The following KCMF1 variants were observed in gnomAD, a reference collection of about 807,000 sequenced individuals.
KCMF1 encodes E3 ubiquitin-protein ligase KCMF1.
In KCMF1, 3 loss-of-function variants were observed where a neutral mutation model predicts 41.1. That is an observed-to-expected ratio of 0.07 (90% CI 0.03 to 0.19). The LOEUF is 0.19. Among genes scored for constraint, KCMF1 ranks in the 10% least tolerant of loss-of-function variants. KCMF1 has a pLI of 1.00. For missense variants in KCMF1, 286 were observed against 488.9 expected, an observed-to-expected ratio of 0.58 and a Z score of 3.91; for synonymous variants, 142 against 164.5, an observed-to-expected ratio of 0.86 and a Z score of 1.04.
intron 1 of KCMF1, among the ~76,000 whole-genome samples, chr2:85,021,784 C>CT (rs1674950966): frequency 6.6e-6 from 1 of 151,944 alleles, no homozygotes; most frequent in Non-Finnish European, 1.5e-5. Context: ...TTGTTAATGG[C>CT]TAAGTAATAA....
chr2:85,057,547 T>C lies in KCMF1; in HGVS notation c.*4138T>C, dbSNP rs1558591154. The C allele has an allele frequency of 6.6e-6, 1 of 152,244 alleles. No individual in the cohort carries two copies. The highest frequency in any genetic ancestry group is 2.4e-5 in the African/African-American group (1 of 41,452). The allele number at this position is 152,244 out of a possible 1,614,324, so 9.4% of individuals were successfully genotyped here. A position where few individuals can be genotyped will look rare whatever the true frequency, so the allele number is the denominator to read the frequency against. On this transcript the variant is annotated 3_prime_UTR_variant, in exon 7 of 7. Transcript: ENST00000409785. ...AACATGGCTATGTCTGAGTCAGTCA[T>C]TACGGTATTCCAAAGCCAAATTCAA...
intron 2 of KCMF1, 135 bp downstream of exon 2, chr2:85,028,191 C>CT (rs1558580872): frequency 5.2e-5 from 32 of 612,746 alleles, no homozygotes; most frequent in Middle Eastern, 4.5e-4. Flanking sequence ...ATAAATCTTA[C>CT]TTTTTTTTGA....
At chr2:85,042,115 A>G (rs1020909337) in intron 3 of KCMF1, among the ~76,000 whole-genome samples, 8 of 152,156 alleles carry the variant, frequency 5.3e-5, no homozygotes, top group Middle Eastern at 3.2e-3. Flanking sequence ...GCCTCATCAC[A>G]TTCCATTGTG....
At chr2:84,971,735 G>A (rs1244056311) in intron 1 of KCMF1, among the ~76,000 whole-genome samples, 1 of 151,172 alleles carries the variant, frequency 6.6e-6, no homozygotes, top group Non-Finnish European at 1.5e-5. Flanking sequence ...CGGAGGGGGA[G>A]GGGAGGCGGC....
intron 3 of KCMF1, among the ~76,000 whole-genome samples, chr2:85,042,241 T>C (rs955574312): frequency 1.3e-5 from 2 of 152,224 alleles, no homozygotes; most frequent in Non-Finnish European, 2.9e-5. Context: ...GACAGCTGAT[T>C]AGGCATAAGA....
intron 1 of KCMF1, among the ~76,000 whole-genome samples, chr2:84,975,954 C>T (rs932327559): frequency 1.3e-5 from 2 of 152,260 alleles, no homozygotes; most frequent in Admixed American, 6.5e-5. Flanking sequence ...TCAGTCACTA[C>T]TATGTGTAAG....
rs778645486 is a variant in KCMF1 at position 85,046,324 on chromosome 2, AG to A, written c.601+47del. 3.0e-5 allele frequency: 46 copies of A among 1,516,996 alleles called. 1 individual carries two copies. Among genetic ancestry groups the A allele is most frequent in the South Asian group, 3.0e-4 (25 of 83,908 alleles). The allele number at this position is 1,516,996 out of a possible 1,614,324, so 94.0% of individuals were successfully genotyped here. A position where few individuals can be genotyped will look rare whatever the true frequency, so the allele number is the denominator to read the frequency against. On this transcript the variant is annotated intron_variant, in intron 5 of 6. Coordinates refer to ENST00000409785, the MANE Select transcript of KCMF1 (RefSeq NM_020122.5). The stretch of plus-strand genomic sequence containing the variant: ...TAAGGGAAATGGCAGGGGAAGGAGG[AG>A]CTCCTTTTAAAACTTTTTGTGATGC...
chr2:85,014,702 CGCGCGCGT>C (rs1030189145), intron 1 of KCMF1, among the ~76,000 whole-genome samples: 1 of 143,888 alleles, frequency 6.9e-6, no homozygotes, highest in Admixed American at 6.9e-5. Context: ...GAAATACTGG[CGCGCGCGT>C]GCGTGCGTGC....
At chr2:85,000,250 C>T (rs929230982) in intron 1 of KCMF1, among the ~76,000 whole-genome samples, 25 of 151,846 alleles carry the variant, frequency 1.6e-4, no homozygotes, top group Non-Finnish European at 1.2e-4. Flanking sequence ...CTCAGCCTCC[C>T]GAGTAGCTGG....
chr2:84,974,691 A>ATTTTTTTTTTTTTTTTTTTTTTT (rs869056943), intron 1 of KCMF1, among the ~76,000 whole-genome samples: 1 of 14,690 alleles, frequency 6.8e-5, no homozygotes, highest in Non-Finnish European at 1.2e-4. Context: ...ATATATATAT[A>ATTTTTTTTTTTTTTTTTTTTTTT]TTTTTTTTTT....
In KCMF1 at chr2:85,008,309, TG is replaced by T. The variant is rs1355651205; in HGVS notation, c.17-19579del. 2.1e-4 allele frequency among the ~76,000 whole-genome samples: 15 copies of T among 71,060 alleles called. 1 individual carries two copies. The highest frequency in any genetic ancestry group is 1.2e-3 in the East Asian group (2 of 1,720). The allele number at this position is 71,060 out of a possible 152,430, so 46.6% of individuals were successfully genotyped here. A position where few individuals can be genotyped will look rare whatever the true frequency, so the allele number is the denominator to read the frequency against. ...TATATAATATATATAATATATAATA[TG>T]ATATATATATCATATATAATATATA... On this transcript the variant is annotated intron_variant, in intron 1 of 6. Coordinates refer to ENST00000409785, the MANE Select transcript of KCMF1 (RefSeq NM_020122.5).
At chr2:85,013,427 T>TC (rs1674694103) in intron 1 of KCMF1, among the ~76,000 whole-genome samples, 1 of 152,196 alleles carries the variant, frequency 6.6e-6, no homozygotes, top group Non-Finnish European at 1.5e-5. Context: ...GTATGTATTC[T>TC]GCTCCCTCCT....
intron 1 of KCMF1, among the ~76,000 whole-genome samples, chr2:85,002,134 A>G (rs530198295): frequency 2.0e-5 from 3 of 152,312 alleles, no homozygotes; most frequent in East Asian, 3.9e-4. Context: ...TGCAAATACA[A>G]AATTGTTACT....
chr2:84,980,381 C>G (rs1212464099), intron 1 of KCMF1, among the ~76,000 whole-genome samples: 2 of 152,136 alleles, frequency 1.3e-5, no homozygotes. Context: ...AAAACCAGCT[C>G]TCACGCCTGA....
intron 1 of KCMF1, among the ~76,000 whole-genome samples, chr2:85,005,154 G>A (rs892456073): frequency 2.0e-5 from 3 of 152,066 alleles, no homozygotes; most frequent in Non-Finnish European, 4.4e-5. Flanking sequence ...AGATCCACCC[G>A]CCTCAGCCTC....
At position 85,056,047 on chromosome 2, in the gene KCMF1, A is replaced by G. The variant is rs899460709; in HGVS notation, c.*2638A>G. 2.0e-5 allele frequency: 3 copies of G among 152,150 alleles called. No individual in the cohort carries two copies. Among genetic ancestry groups the G allele is most frequent in the African/African-American group, 4.8e-5 (2 of 41,430 alleles). 9.4% of individuals were successfully genotyped at this position (152,150 alleles called of 1,614,324 possible). On this transcript the variant is annotated 3_prime_UTR_variant, in exon 7 of 7. Transcript: ENST00000409785. ...AACTGTGCTTCCTTGTATGGCTGCAATCATAAGACAGAATTTCTGTGGTTG... is the reference window on the plus strand; with the variant it reads ...AACTGTGCTTCCTTGTATGGCTGCAGTCATAAGACAGAATTTCTGTGGTTG...
At chr2:84,993,549 T>TTATTTATC (rs1255018003) in intron 1 of KCMF1, among the ~76,000 whole-genome samples, 2 of 70,002 alleles carry the variant, frequency 2.9e-5, no homozygotes, top group African/African-American at 9.6e-5. Flanking sequence ...TCTACCCCCA[T>TTATTTATC]TATTTATTTA....
chr2:84,994,484 A>C (rs1486649472), intron 1 of KCMF1, among the ~76,000 whole-genome samples: 3 of 151,436 alleles, frequency 2.0e-5, no homozygotes, highest in Non-Finnish European at 4.4e-5. Flanking sequence ...GCTCACTGCA[A>C]CCTCCACCTC....
At chr2:85,048,297 A>G (rs1243792459) in intron 5 of KCMF1, among the ~76,000 whole-genome samples, 1 of 152,208 alleles carries the variant, frequency 6.6e-6, no homozygotes, top group East Asian at 1.9e-4. Flanking sequence ...GGGAATATTT[A>G]CCTGCTATTT....
Sources: allele counts gnomAD v4.1 joint callset (sites outside exome capture counted in the v4.1 genomes callset), GRCh38; gene constraint gnomAD v4.1.1; transcripts MANE v1.5; gene names NCBI Gene and HGNC (gene_info 2026-07-23, HGNC 2026-07-21).